Variants in PHF19 observed in about 807,000 individuals in gnomAD.
PHF19 encodes PHD finger protein 19.
PHF19 carries 21 observed loss-of-function variants against 79.8 expected under a neutral mutation model. The observed-to-expected ratio is 0.26, with a 90% CI of 0.19 to 0.38. The LOEUF is 0.38. PHF19 is among the 10% of genes least tolerant of loss of function. The probability of loss-of-function intolerance (pLI) is 1.00; values close to 1 mark genes in which losing one functional copy is unlikely to be tolerated. For synonymous variants in PHF19, 273 were observed against 296.3 expected (o/e 0.92, Z 0.81); for missense variants, 445 against 744.2 (o/e 0.60, Z 4.68).
Position 120,877,091 on chromosome 9 carries a change from C to G in PHF19, c.-16G>C. The G allele has an allele frequency of 1.0e-6, 1 of 985,258 alleles. No homozygotes were observed. The highest frequency in any genetic ancestry group is 1.2e-6 in the Non-Finnish European group (1 of 829,862). 61.0% of individuals were successfully genotyped at this position (985,258 alleles called of 1,614,324 possible). A position where few individuals can be genotyped will look rare whatever the true frequency, so the allele number is the denominator to read the frequency against. ...GTCCGCCCAACAGCGCAGAACTCAC[C>G]GCGAGGCTGCGTGTCCGCCGGTCCC... On this transcript the variant is annotated splice_region_variant and 5_prime_UTR_variant, in exon 1 of 15. Coordinates refer to ENST00000373896, the MANE Select transcript of PHF19 (RefSeq NM_015651.3).
At chr9:120,894,722 C>A (rs1588142688) in intron 1 of PHF19, 2 of 841,826 alleles carry the variant, frequency 2.4e-6, no homozygotes, top group Non-Finnish European at 3.1e-6. Context: ...GCGGGCCCAC[C>A]CGGCCGCCCG....
At chr9:120,879,122 C>T (rs2046141389), upstream of PHF19, among the ~76,000 whole-genome samples, 1 of 152,182 alleles carries the variant, frequency 6.6e-6, no homozygotes, top group Non-Finnish European at 1.5e-5. Flanking sequence ...TCCGTGTCCT[C>T]ACCTAAATAG....
At chr9:120,883,635 C>T (rs1407749499) in intron 1 of PHF19, among the ~76,000 whole-genome samples, 3 of 152,060 alleles carry the variant, frequency 2.0e-5, no homozygotes, top group South Asian at 4.1e-4. Flanking sequence ...TGGCATGCAC[C>T]TGTGGTCCTA....
chr9:120,897,845 G>C (rs190244100), upstream of PHF19, among the ~76,000 whole-genome samples: 13 of 151,980 alleles, frequency 8.6e-5, no homozygotes, highest in South Asian at 2.1e-4. Context: ...CGGGTGTGGT[G>C]GTGGGCCCCT....
rs536441812 is a variant in PHF19 at position 120,871,372 on chromosome 9, C to T, written c.269-834G>A. ...AGTATGTATTTGTGAAAGATCAAGACTCTTTTTAAAAAACATAATTAAAAC... is the reference window on the plus strand; with the variant it reads ...AGTATGTATTTGTGAAAGATCAAGATTCTTTTTAAAAAACATAATTAAAAC... On this transcript the variant is annotated intron_variant, in intron 3 of 14. Transcript: ENST00000373896. 1.5e-4 allele frequency among the ~76,000 whole-genome samples: 23 copies of T among 152,300 alleles called. No homozygotes were observed. The South Asian group carries it at 3.3e-3, about 22-fold the overall frequency.
At chr9:120,875,345 T>A (rs1279201087) in intron 1 of PHF19, among the ~76,000 whole-genome samples, 1 of 152,188 alleles carries the variant, frequency 6.6e-6, no homozygotes, top group Non-Finnish European at 1.5e-5. Context: ...CTGGGACATT[T>A]AAACCCACTT....
chr9:120,889,165 C>T (rs1483637761), intron 1 of PHF19, among the ~76,000 whole-genome samples: 1 of 152,150 alleles, frequency 6.6e-6, no homozygotes, highest in African/African-American at 2.4e-5. Context: ...CGATGGCACA[C>T]GCTTGTAATC....
intron 14 of PHF19, 89 bp from the exon 15 acceptor site, chr9:120,858,375 G>A: frequency 1.0e-6 from 1 of 1,002,462 alleles, no homozygotes; most frequent in South Asian, 1.9e-5. Flanking sequence ...CTCAGTACCA[G>A]GAAAGTGGAA....
chr9:120,861,956 T>G lies in PHF19; in HGVS notation c.1180A>C (p.Lys394Gln). ...TCTTCCAGCAAAAACTTTGATCTTT[T>G]TCTTCTATAAACTCGCCTTTTCTGC... Reference protein sequence around the residue: ...QQQKRRVYRRKRSKFLLEDAI... With the variant: ...QQQKRRVYRRQRSKFLLEDAI... Residue 394 changes from lysine (K) to glutamine (Q), a missense_variant, in exon 12 of 15, where the codon AAA (lysine) becomes CAA (glutamine). Physicochemically the swap from Lys to Gln is moderately conservative, Grantham distance 53 (BLOSUM62 1). This residue lies in a region of PHF19 where 83 missense variants were observed against 85.5 expected (regional missense o/e 0.97). Transcript: ENST00000373896. 6.2e-7 allele frequency: 1 copy of G among 1,613,886 alleles called. No individual in the cohort carries two copies. The highest frequency in any genetic ancestry group is 1.1e-5 in the South Asian group (1 of 91,082).
chr9:120,864,634 G>A (rs2045641530), intron 9 of PHF19, among the ~76,000 whole-genome samples: 1 of 152,166 alleles, frequency 6.6e-6, no homozygotes, highest in African/African-American at 2.4e-5. Context: ...AGTGAGCTGA[G>A]ACCGCGCCAC....
intron 10 of PHF19, among the ~76,000 whole-genome samples, chr9:120,863,244 G>A (rs543399582): frequency 9.0e-4 from 135 of 150,174 alleles, no homozygotes; most frequent in African/African-American, 3.1e-3. Flanking sequence ...GGGAGGGCAG[G>A]TGGCCTCTTG....
upstream of PHF19, among the ~76,000 whole-genome samples, chr9:120,878,659 C>T (rs955130690): frequency 2.6e-5 from 4 of 152,208 alleles, 1 homozygote; most frequent in Admixed American, 2.6e-4. Flanking sequence ...TTCCTCACTT[C>T]CTTCTGCCCC....
chr9:120,858,917 G>C (rs2131471773), intron 14 of PHF19, among the ~76,000 whole-genome samples: 1 of 152,116 alleles, frequency 6.6e-6, no homozygotes. Context: ...CAGATGCTTA[G>C]AGACAGAAAC....
chr9:120,873,274 A>G (rs1003350227), intron 3 of PHF19, among the ~76,000 whole-genome samples: 8 of 152,196 alleles, frequency 5.3e-5, no homozygotes, highest in Admixed American at 6.5e-5. Context: ...AGTTGAAAGT[A>G]CATGTGTTGT....
upstream of PHF19, among the ~76,000 whole-genome samples, chr9:120,880,656 T>TA (rs993390225): frequency 9.6e-4 from 146 of 152,252 alleles, no homozygotes; most frequent in African/African-American, 3.4e-3. Context: ...ACACAAATGA[T>TA]AAAAAATGTT....
rs558264587 is a variant in PHF19 at position 120,889,437 on chromosome 9, A to G, written c.42+5351T>C. Among the ~76,000 whole-genome samples the G allele has an allele frequency of 8.6e-5, 13 of 151,624 alleles. No individual in the cohort carries two copies. In the South Asian group the frequency reaches 2.7e-3, roughly 32 times the overall value. ...CAAGTCTCCATCTCAAAAAAAAAAA[A>G]AAAAAAGGACCAAGGTAGCCTGGGC... On this transcript the variant is annotated intron_variant, in intron 1 of 14. Coordinates refer to the PHF19 transcript ENST00000616568.
chr9:120,869,576 A>G lies in PHF19; in HGVS notation c.466-246T>C, dbSNP rs1341764980. 2 of 1,462,706 alleles carry G rather than the reference A, an allele frequency of 1.4e-6. No homozygotes were observed. Among genetic ancestry groups the G allele is most frequent in the Non-Finnish European group, 1.8e-6 (2 of 1,110,004 alleles). 90.6% of individuals were successfully genotyped at this position (1,462,706 alleles called of 1,614,324 possible). A position where few individuals can be genotyped will look rare whatever the true frequency, so the allele number is the denominator to read the frequency against. On this transcript the variant is annotated intron_variant, in intron 5 of 14. Transcript: ENST00000373896. The surrounding 1 kb of genome is among the most constrained non-coding windows in gnomAD (Gnocchi z 5.8). Reference sequence around the variant, plus strand: ...ATAAAGGCAACAATTACCAACATGTATTTACATGGATTTTCTTTTTTAATA... The same window carrying G: ...ATAAAGGCAACAATTACCAACATGTGTTTACATGGATTTTCTTTTTTAATA...
At chr9:120,875,410 G>C (rs1243307292) in intron 1 of PHF19, among the ~76,000 whole-genome samples, 7 of 152,130 alleles carry the variant, frequency 4.6e-5, no homozygotes, top group Non-Finnish European at 8.8e-5. Context: ...CCATCCCCAT[G>C]CCAGCCTCTC....
rs932707529 is a variant in PHF19 at position 120,857,699 on chromosome 9, G to A, written c.*245C>T. The A allele has an allele frequency of 2.3e-6, 1 of 430,150 alleles. No homozygotes were observed. Among genetic ancestry groups the A allele is most frequent in the East Asian group, 3.5e-5 (1 of 28,366 alleles). The allele number at this position is 430,150 out of a possible 1,614,324, so 26.6% of individuals were successfully genotyped here. On this transcript the variant is annotated 3_prime_UTR_variant, in exon 15 of 15. Coordinates refer to ENST00000373896, the MANE Select transcript of PHF19 (RefSeq NM_015651.3). ...AGAGAACAGATAAACAGAGTTTGAGGGGGTGTGGAGTGTGTAGAGACACAG... is the reference window on the plus strand; with the variant it reads ...AGAGAACAGATAAACAGAGTTTGAGAGGGTGTGGAGTGTGTAGAGACACAG...
Sources: allele counts gnomAD v4.1 joint callset (sites outside exome capture counted in the v4.1 genomes callset), GRCh38; gene constraint gnomAD v4.1.1; regional missense constraint gnomAD v4.1.1; non-coding constraint Gnocchi (gnomAD v3.1); transcripts MANE v1.5; gene names NCBI Gene and HGNC (gene_info 2026-07-23, HGNC 2026-07-21).